ELAVL2: variants seen among roughly 807,000 people sequenced by gnomAD.
The protein encoded by ELAVL2 is ELAV like RNA binding protein 2.
In ELAVL2, 4 loss-of-function variants were observed where a neutral mutation model predicts 34.6. The observed-to-expected ratio is 0.12, with a 90% CI of 0.06 to 0.26. ELAVL2 has a LOEUF of 0.26. Ranked by LOEUF, ELAVL2 falls within the 10% of genes least tolerant of loss-of-function variation. The pLI is 1.00. For synonymous variants in ELAVL2, 193 were observed against 154.8 expected, an observed-to-expected ratio of 1.25 and a Z score of -1.83; for missense variants, 432 against 442.8, an observed-to-expected ratio of 0.98 and a Z score of 0.22.
intron 3 of ELAVL2, among the ~76,000 whole-genome samples, chr9:23,714,686 A>G (rs1204038665): frequency 2.0e-5 from 3 of 152,222 alleles, no homozygotes; most frequent in Non-Finnish European, 4.4e-5. Context: ...AGAAATATAA[A>G]TGAACTTCAT....
At chr9:23,786,541 C>G (rs550171725) in intron 1 of ELAVL2, among the ~76,000 whole-genome samples, 2 of 151,918 alleles carry the variant, frequency 1.3e-5, no homozygotes, top group East Asian at 3.9e-4. Flanking sequence ...TAAAAATGTA[C>G]CTATTAAAAA....
intron 1 of ELAVL2, among the ~76,000 whole-genome samples, chr9:23,793,613 C>A (rs1359502831): frequency 6.6e-6 from 1 of 152,172 alleles, no homozygotes; most frequent in Non-Finnish European, 1.5e-5. Flanking sequence ...TAACAAGCCT[C>A]TTCAACACTC....
upstream of ELAVL2, chr9:23,829,999 G>C (rs1307160693): frequency 2.0e-5 from 3 of 152,190 alleles, no homozygotes; most frequent in Non-Finnish European, 2.9e-5. Context: ...AGGAGACTTA[G>C]AGCCCCGAAC....
Position 23,716,666 on chromosome 9 carries a change from G to A in ELAVL2, c.334-11595C>T, listed in dbSNP as rs568844609. ...GCTCTCCAAAGACAAAAATCCCGTT[G>A]CCCTCAGAGAGCAGACCACCAAATA... On this transcript the variant is annotated intron_variant, in intron 3 of 6. Coordinates refer to ENST00000397312, the MANE Select transcript of ELAVL2 (RefSeq NM_004432.5). Among the ~76,000 whole-genome samples the A allele has an allele frequency of 2.0e-5, 3 of 152,264 alleles. No individual in the cohort carries two copies. The South Asian group carries it at 6.2e-4, about 32-fold the overall frequency.
intron 2 of ELAVL2, among the ~76,000 whole-genome samples, chr9:23,758,661 T>C (rs1430687422): frequency 3.3e-5 from 5 of 152,146 alleles, no homozygotes; most frequent in African/African-American, 7.2e-5. Context: ...AAAGCTTTTA[T>C]AGCACCATGT....
At chr9:23,765,515 G>A (rs2056042546) in intron 1 of ELAVL2, among the ~76,000 whole-genome samples, 2 of 151,426 alleles carry the variant, frequency 1.3e-5, no homozygotes, top group Admixed American at 1.3e-4. Context: ...CTAAGTGATT[G>A]GTTTGCATAA....
upstream of ELAVL2, among the ~76,000 whole-genome samples, chr9:23,827,943 A>C (rs2065377734): frequency 6.6e-6 from 1 of 152,178 alleles, no homozygotes; most frequent in Admixed American, 6.5e-5. Context: ...ATTAGTGTTT[A>C]TAAAATCATG....
the ELAVL2 span, chr9:23,832,222 A>G: frequency 1.3e-5 from 2 of 152,178 alleles, no homozygotes; most frequent in African/African-American, 2.4e-5. Flanking sequence ...TGATTTTTAG[A>G]ATAGCCTAAG....
chr9:23,772,086 A>C (rs1414174578), intron 1 of ELAVL2, among the ~76,000 whole-genome samples: 2 of 152,218 alleles, frequency 1.3e-5, no homozygotes, highest in Admixed American at 6.5e-5. Flanking sequence ...AGGCAGATTA[A>C]TCTGAATTGC....
chr9:23,725,126 G>T (rs183056724), intron 3 of ELAVL2, among the ~76,000 whole-genome samples: 1 of 152,198 alleles, frequency 6.6e-6, no homozygotes, highest in Admixed American at 6.5e-5. Flanking sequence ...AAGATGTGGC[G>T]TTTAAATACA....
chr9:23,726,196 G>C (rs10966046), intron 3 of ELAVL2, among the ~76,000 whole-genome samples: 52,745 of 151,834 alleles, frequency 0.35, 9,808 homozygotes, highest in East Asian at 0.5. Context: ...GGTTTCTTAG[G>C]TTTGCTTAAT....
Position 23,701,503 on chromosome 9 carries a change from G to T in ELAVL2, c.589C>A (p.Pro197Thr). 1 of 1,614,072 alleles carries T rather than the reference G, an allele frequency of 6.2e-7. No individual in the cohort carries two copies. Residue 197 changes from proline to threonine, a missense_variant, in exon 5 of 7, where the codon CCA becomes ACA. Around this residue, in one of 3 missense-constraint regions of ELAVL2, gnomAD observed 295 missense variants for 306.1 expected, o/e 0.96. Transcript: ENST00000397312. ...NGQKPPGATE[P>T]ITVKFANNPS... is the part of the protein sequence containing the mutation. ...TTATTAGCAAACTTTACAGTGATTG[G>T]CTCCGTGGCACCGGGAGGTTTCTGG... is the stretch of plus-strand genomic sequence containing the variant.
At chr9:23,798,904 T>C (rs998914966) in intron 1 of ELAVL2, among the ~76,000 whole-genome samples, 1 of 152,230 alleles carries the variant, frequency 6.6e-6, no homozygotes, top group Non-Finnish European at 1.5e-5. Flanking sequence ...TAGATAGATA[T>C]AATTACAACC....
intron 1 of ELAVL2, among the ~76,000 whole-genome samples, chr9:23,767,785 A>T (rs756595761): frequency 2.6e-5 from 4 of 152,144 alleles, no homozygotes; most frequent in Non-Finnish European, 5.9e-5. Flanking sequence ...AAATAAGTAA[A>T]TAAATATATC....
In ELAVL2 at chr9:23,790,700, C is replaced by G. The variant is rs2060225963; in HGVS notation, c.-15-28451G>C. On this transcript the variant is annotated intron_variant, in intron 1 of 6. Coordinates refer to ENST00000397312, the MANE Select transcript of ELAVL2 (RefSeq NM_004432.5). ...CTATCTAATGTAACTAGGCATTAGCCATTCATCCCAGAGCTTTAATTTTAT... is the reference window on the plus strand; with the variant it reads ...CTATCTAATGTAACTAGGCATTAGCGATTCATCCCAGAGCTTTAATTTTAT... Among the ~76,000 whole-genome samples the G allele has an allele frequency of 2.6e-5, 4 of 152,182 alleles. No individual in the cohort carries two copies. In the South Asian group the frequency reaches 8.3e-4, roughly 31 times the overall value.
intron 1 of ELAVL2, among the ~76,000 whole-genome samples, chr9:23,769,720 C>T (rs1049697284): frequency 6.6e-6 from 1 of 152,206 alleles, no homozygotes; most frequent in Non-Finnish European, 1.5e-5. Context: ...GGCCCAAGAA[C>T]TTGCAGAGAC....
chr9:23,843,230 A>G, the ELAVL2 span, among the ~76,000 whole-genome samples: 3 of 152,120 alleles, frequency 2.0e-5, no homozygotes, highest in Non-Finnish European at 4.4e-5. Flanking sequence ...TATTTTACAT[A>G]CTTCCTTCCT....
chr9:23,781,500 GTTTC>G (rs1302760884), intron 1 of ELAVL2, among the ~76,000 whole-genome samples: 4 of 148,352 alleles, frequency 2.7e-5, no homozygotes, highest in Non-Finnish European at 6.0e-5. Context: ...TTTAAGAAAA[GTTTC>G]TTTTTTTTCT....
chr9:23,808,608 A>G (rs1433474967), intron 1 of ELAVL2, among the ~76,000 whole-genome samples: 2 of 152,174 alleles, frequency 1.3e-5, no homozygotes, highest in Non-Finnish European at 2.9e-5. Context: ...TAAAATGTTA[A>G]ATGCTAGGAA....
Sources: gnomAD v4.1 joint callset for allele counts (sites outside exome capture counted in the v4.1 genomes callset) on GRCh38, gnomAD v4.1.1 for gene constraint, gnomAD v4.1.1 regional missense constraint, MANE v1.5 for transcripts, NCBI Gene and HGNC (gene_info 2026-07-23, HGNC 2026-07-21) for gene names.